The following NPHP1 variants were observed in gnomAD, a reference collection of about 807,000 sequenced individuals.
NPHP1 encodes nephrocystin 1.
A neutral mutation model predicts 90.4 loss-of-function variants in NPHP1; 70 were observed. The ratio of observed to expected loss-of-function variants is 0.77; its 90% CI spans 0.64 to 0.95. NPHP1 has a LOEUF of 0.95. Among genes scored for constraint, NPHP1 ranks in the 40% least tolerant of loss-of-function variants. The pLI is 0.00. For missense variants in NPHP1, 764 were observed against 795.9 expected, an observed-to-expected ratio of 0.96 and a Z score of 0.48; for synonymous variants, 256 against 271.7, an observed-to-expected ratio of 0.94 and a Z score of 0.57.
intron 16 of NPHP1, among the ~76,000 whole-genome samples, chr2:110,133,843 AC>A (rs1679969446): frequency 1.3e-5 from 2 of 152,022 alleles, no homozygotes; most frequent in Admixed American, 1.3e-4. Context: ...AAATGAAAAC[AC>A]AACATACCAA....
At chr2:110,147,488 T>C (rs1470070789) in intron 13 of NPHP1, among the ~76,000 whole-genome samples, 3 of 152,132 alleles carry the variant, frequency 2.0e-5, no homozygotes, top group African/African-American at 7.2e-5. Flanking sequence ...ACCCACTGGT[T>C]CAGTAGTTTA....
At chr2:110,168,313 T>C in intron 6 of NPHP1, 139 bp downstream of exon 6, 1 of 662,194 alleles carries the variant, frequency 1.5e-6, no homozygotes, top group Non-Finnish European at 2.7e-6. Context: ...TTTTCCCAGG[T>C]CCTGTCCCTC....
chr2:110,185,049 C>T, intron 2 of NPHP1: 3 of 600,180 alleles, frequency 5.0e-6, no homozygotes, highest in Admixed American at 1.9e-5. Flanking sequence ...ATATTTGCAC[C>T]TCAGGAGAGA....
intron 6 of NPHP1, among the ~76,000 whole-genome samples, chr2:110,166,195 T>C (rs1168362381): frequency 1.3e-5 from 2 of 152,002 alleles, no homozygotes; most frequent in Non-Finnish European, 2.9e-5. Context: ...ATTGGAAAAA[T>C]AAATCAAAAT....
chr2:110,184,616 C>A, intron 2 of NPHP1: 1 of 1,010,446 alleles, frequency 9.9e-7, no homozygotes, highest in South Asian at 1.3e-5. Flanking sequence ...ACATCGCAAG[C>A]TGGAACATCT....
intron 11 of NPHP1, among the ~76,000 whole-genome samples, chr2:110,156,559 G>A (rs1452034811): frequency 6.6e-6 from 1 of 152,058 alleles, no homozygotes; most frequent in Non-Finnish European, 1.5e-5. Flanking sequence ...TAAATCAGTG[G>A]ACTAAAGGCT....
Position 110,162,439 on chromosome 2 carries a change from C to A in NPHP1, c.859+609G>T, listed in dbSNP as rs568786034. On this transcript the variant is annotated intron_variant, in intron 9 of 19. Coordinates refer to ENST00000445609, the MANE Select transcript of NPHP1 (RefSeq NM_001128178.3). ...GAATTTAGGGAGTACTGGGAAGAAC[C>A]TTCCCAGCAAAGGCATCCTCAAAGC... Among the ~76,000 whole-genome samples, 7 of 152,120 alleles carry A rather than the reference C, an allele frequency of 4.6e-5. No homozygotes were observed. In the South Asian group the frequency reaches 1.5e-3, roughly 32 times the overall value.
chr2:110,144,678 A>G (rs1680888520), intron 14 of NPHP1, 109 bp from the exon 15 acceptor site: 2 of 726,358 alleles, frequency 2.8e-6, no homozygotes, highest in South Asian at 3.0e-5. Flanking sequence ...CATTTCATTT[A>G]TGCCTCGTTG....
rs536551645 is a variant in NPHP1 at position 110,200,697 on chromosome 2, C to G, written c.143+724G>C. 3.9e-5 allele frequency among the ~76,000 whole-genome samples: 6 copies of G among 152,100 alleles called. No individual in the cohort carries two copies. The South Asian group carries it at 1.0e-3, about 26-fold the overall frequency. Reference sequence around the variant, plus strand: ...AATCTAGTAAAGCAAGAACAATAACCTTTGCTTTTCTTTCATTACTGTTAA... The same window carrying G: ...AATCTAGTAAAGCAAGAACAATAACGTTTGCTTTTCTTTCATTACTGTTAA... On this transcript the variant is annotated intron_variant, in intron 2 of 19. Coordinates refer to ENST00000445609, the MANE Select transcript of NPHP1 (RefSeq NM_001128178.3).
chr2:110,191,190 C>T (rs528318156), intron 2 of NPHP1, among the ~76,000 whole-genome samples: 8 of 152,046 alleles, frequency 5.3e-5, no homozygotes, highest in Non-Finnish European at 1.2e-4. Flanking sequence ...TGCAGCACAC[C>T]GAGCATGAGC....
intron 2 of NPHP1, chr2:110,184,603 T>C (rs1248847331): frequency 7.1e-6 from 8 of 1,127,806 alleles, no homozygotes; most frequent in East Asian, 2.4e-5. Flanking sequence ...ATCATGCGAA[T>C]TGACATCGCA....
intron 1 of NPHP1, among the ~76,000 whole-genome samples, chr2:110,204,231 T>G (rs1376640293): frequency 6.6e-6 from 1 of 152,204 alleles, no homozygotes; most frequent in African/African-American, 2.4e-5. Flanking sequence ...GCAGTGAATG[T>G]GCCTGCTTCA....
intron 13 of NPHP1, 32 bp from the exon 14 acceptor site, chr2:110,146,867 G>A (rs765480167): frequency 4.7e-6 from 7 of 1,494,340 alleles, no homozygotes; most frequent in Non-Finnish European, 5.6e-6. Flanking sequence ...TGAAACTTAA[G>A]GTCTGAACTA....
intron 4 of NPHP1, among the ~76,000 whole-genome samples, chr2:110,175,062 G>A (rs1350869817): frequency 6.6e-6 from 1 of 152,016 alleles, no homozygotes; most frequent in Non-Finnish European, 1.5e-5. Flanking sequence ...TTACTCAGTT[G>A]ACAAAAACAT....
chr2:110,165,944 A>C (rs528577762), intron 6 of NPHP1, among the ~76,000 whole-genome samples: 1 of 152,256 alleles, frequency 6.6e-6, no homozygotes, highest in African/African-American at 2.4e-5. Flanking sequence ...AATAAAGAAA[A>C]CCGAAAGTGC....
Position 110,150,182 on chromosome 2 carries a change from CT to C in NPHP1, c.1157del (p.Gln386ArgfsTer46), listed in dbSNP as rs1681356752. The C allele has an allele frequency of 1.2e-6, 2 of 1,611,710 alleles. No individual in the cohort carries two copies. The highest frequency in any genetic ancestry group is 2.7e-5 in the African/African-American group (2 of 74,884). ...TCCACTCATTCAGCAGATTACTTAC[CT>C]GGGGAGAAAAGGTCCATGTTTTGGG... ...KKPKTWTFSP[Q>X]VTRILPCLLD... is the part of the protein sequence containing the mutation. On this transcript the variant is annotated frameshift_variant and splice_region_variant, in exon 12 of 20. Transcript: ENST00000445609. LOFTEE classifies it high-confidence loss of function.
chr2:110,188,672 T>A (rs1192390712), intron 2 of NPHP1, among the ~76,000 whole-genome samples: 5 of 151,886 alleles, frequency 3.3e-5, no homozygotes, highest in African/African-American at 1.2e-4. Context: ...TTAAAATTTA[T>A]ATGGAACAAA....
At chr2:110,174,800 G>GT (rs1250209245) in intron 4 of NPHP1, among the ~76,000 whole-genome samples, 21 of 144,768 alleles carry the variant, frequency 1.5e-4, no homozygotes, top group African/African-American at 4.8e-4. Flanking sequence ...TAGTGCCACA[G>GT]TTTTTGCATT....
At chr2:110,136,371 G>A (rs1680201000) in intron 16 of NPHP1, among the ~76,000 whole-genome samples, 1 of 152,142 alleles carries the variant, frequency 6.6e-6, no homozygotes, top group Non-Finnish European at 1.5e-5. Context: ...TAGGAAAAGA[G>A]GAAGTCAAAT....
Sources: gnomAD v4.1 joint callset for allele counts (sites outside exome capture counted in the v4.1 genomes callset) on GRCh38, gnomAD v4.1.1 for gene constraint, MANE v1.5 for transcripts, NCBI Gene and HGNC (gene_info 2026-07-23, HGNC 2026-07-21) for gene names.